Variants in PLAG1 observed in about 807,000 individuals in gnomAD.
PLAG1 encodes PLAG1 zinc finger, also known as zinc finger protein PLAG1.
PLAG1 carries 7 observed loss-of-function variants against 35.5 expected under a neutral mutation model. The ratio of observed to expected loss-of-function variants is 0.20; its 90% CI spans 0.11 to 0.37. The LOEUF is 0.37. Among genes scored for constraint, PLAG1 ranks in the 10% least tolerant of loss-of-function variants. PLAG1 has a pLI of 1.00. For missense variants in PLAG1, 454 were observed against 602.8 expected (o/e 0.75, Z 2.58); for synonymous variants, 229 against 225.4 (o/e 1.02, Z -0.14).
At position 56,163,510 on chromosome 8, in the gene PLAG1, C is replaced by T. The variant is rs539632200; in HGVS notation, c.*2733G>A. The stretch of plus-strand genomic sequence containing the variant: ...ATTTTAAAAACAAATTAGCTGAATT[C>T]CCTCTTACTCTGAAGTGTTATTTCA... On this transcript the variant is annotated 3_prime_UTR_variant, in exon 5 of 5. Coordinates refer to ENST00000316981, the MANE Select transcript of PLAG1 (RefSeq NM_002655.3). 5.0e-6 allele frequency: 1 copy of T among 199,706 alleles called. No individual in the cohort carries two copies. Among genetic ancestry groups the T allele is most frequent in the East Asian group, 7.6e-5 (1 of 13,108 alleles). The allele number at this position is 199,706 out of a possible 1,614,324, so 12.4% of individuals were successfully genotyped here.
chr8:56,176,119 G>A (rs995999932), intron 2 of PLAG1, among the ~76,000 whole-genome samples: 1 of 146,704 alleles, frequency 6.8e-6, no homozygotes, highest in African/African-American at 2.6e-5. Context: ...GTGCAATCTC[G>A]GCTCACTGAA....
intron 1 of PLAG1, among the ~76,000 whole-genome samples, chr8:56,194,563 G>A (rs1021739589): frequency 6.6e-6 from 1 of 151,950 alleles, no homozygotes; most frequent in African/African-American, 2.4e-5. Flanking sequence ...AGCATCTGCT[G>A]GACTCAGCAC....
chr8:56,196,168 G>A (rs961710232), intron 1 of PLAG1, among the ~76,000 whole-genome samples: 3 of 152,114 alleles, frequency 2.0e-5, no homozygotes, highest in African/African-American at 4.8e-5. Flanking sequence ...ATATATAAAT[G>A]GCATGAAATA....
chr8:56,204,889 GC>G lies in PLAG1; in HGVS notation c.-322+6231del, dbSNP rs1410023177. Among the ~76,000 whole-genome samples, 9 of 151,898 alleles carry G rather than the reference GC, an allele frequency of 5.9e-5. No homozygotes were observed. In the South Asian group the frequency reaches 1.0e-3, roughly 18 times the overall value. On this transcript the variant is annotated intron_variant, in intron 1 of 4. Transcript: ENST00000316981. ...ATTCTGTTGCCTTTTAAGAAAAGATGCCCCCTCCTCTCTCAAAATATTTTCT... is the reference window on the plus strand; with the variant it reads ...ATTCTGTTGCCTTTTAAGAAAAGATGCCCCTCCTCTCTCAAAATATTTTCT...
chr8:56,170,603 T>A (rs1240519153), intron 3 of PLAG1, among the ~76,000 whole-genome samples: 1 of 152,244 alleles, frequency 6.6e-6, no homozygotes, highest in Non-Finnish European at 1.5e-5. Context: ...TCTAAATCCC[T>A]GTATATAACT....
Position 56,166,341 on chromosome 8 carries a change from T to G in PLAG1, c.1405A>C (p.Thr469Pro). The G allele has an allele frequency of 6.2e-7, 1 of 1,613,564 alleles. No individual in the cohort carries two copies. The highest frequency in any genetic ancestry group is 8.5e-7 in the Non-Finnish European group (1 of 1,179,654). Residue 469 changes from threonine (T) to proline (P), a missense_variant, in exon 5 of 5, where the codon ACT becomes CCT. Around this residue, in one of 4 missense-constraint regions of PLAG1, gnomAD observed 271 missense variants for 315.6 expected, o/e 0.86. Transcript: ENST00000316981. ...QTQDLQDPAN[T>P]IGLGSLHSLS... ...GAGTGCAGAGACCCAAGCCCTATAG[T>G]GTTTGCAGGATCCTGAAGATCCTGT...
At chr8:56,202,740 T>C (rs1429231016) in intron 1 of PLAG1, among the ~76,000 whole-genome samples, 5 of 152,172 alleles carry the variant, frequency 3.3e-5, no homozygotes. Flanking sequence ...GCTGAAAAGA[T>C]AACCCAGGCT....
intron 1 of PLAG1, among the ~76,000 whole-genome samples, chr8:56,199,893 AG>A (rs1366270746): frequency 1.3e-5 from 2 of 152,202 alleles, no homozygotes; most frequent in Non-Finnish European, 2.9e-5. Flanking sequence ...GAGAGGAATG[AG>A]CAAAAGGAGA....
At chr8:56,180,617 T>G (rs935958659) in intron 1 of PLAG1, among the ~76,000 whole-genome samples, 23 of 152,234 alleles carry the variant, frequency 1.5e-4, no homozygotes, top group Admixed American at 1.5e-3. Context: ...GTTTAAGTCT[T>G]AAATCCATCT....
At chr8:56,208,654 AT>A (rs1279260010) in intron 1 of PLAG1, among the ~76,000 whole-genome samples, 1 of 152,214 alleles carries the variant, frequency 6.6e-6, no homozygotes, top group Non-Finnish European at 1.5e-5. Flanking sequence ...ATAAGGATTT[AT>A]TTCAGAAACT....
rs1470768532 is a variant in PLAG1 at position 56,163,038 on chromosome 8, G to A, written c.*3205C>T. On this transcript the variant is annotated 3_prime_UTR_variant, in exon 5 of 5. Coordinates refer to ENST00000316981, the MANE Select transcript of PLAG1 (RefSeq NM_002655.3). ...TTTAACAGTGATCGATAACTATAAA[G>A]GTACTTGTATACATCAATGGATAGC... The A allele has an allele frequency of 9.6e-6, 2 of 208,388 alleles. No homozygotes were observed. The highest frequency in any genetic ancestry group is 2.3e-5 in the African/African-American group (1 of 43,946). The allele number at this position is 208,388 out of a possible 1,614,324, so 12.9% of individuals were successfully genotyped here.
At position 56,162,003 on chromosome 8, in the gene PLAG1, A is replaced by AC. The variant is rs1811215192; in HGVS notation, c.*4239_*4240insG. On this transcript the variant is annotated 3_prime_UTR_variant, in exon 5 of 5. Transcript: ENST00000316981. ...AACATCATAGAAAGGCCCTAAGTGC[A>AC]ATCTGAGTGTGCCTTCACCAATGCT... is the stretch of plus-strand genomic sequence containing the variant. 1 of 226,938 alleles carries AC rather than the reference A, an allele frequency of 4.4e-6. No homozygotes were observed. 14.1% of individuals were successfully genotyped at this position (226,938 alleles called of 1,614,324 possible).
At position 56,163,210 on chromosome 8, in the gene PLAG1, CTTTTTTTTTT is replaced by C. The variant is rs34779318; in HGVS notation, c.*3023_*3032del. On this transcript the variant is annotated 3_prime_UTR_variant, in exon 5 of 5. Coordinates refer to ENST00000316981, the MANE Select transcript of PLAG1 (RefSeq NM_002655.3). ...AACTACTTTTATTTAATGTTAATCC[CTTTTTTTTTT>C]TTTTTTTTTTTTTTTTAACCAAGCT... The C allele has an allele frequency of 1.3e-4, 13 of 97,198 alleles. No individual in the cohort carries two copies. The highest frequency in any genetic ancestry group is 2.5e-4 in the Admixed American group (2 of 8,004). 6.0% of individuals were successfully genotyped at this position (97,198 alleles called of 1,614,324 possible).
intron 1 of PLAG1, among the ~76,000 whole-genome samples, chr8:56,186,001 A>C (rs977078181): frequency 6.6e-6 from 1 of 151,308 alleles, no homozygotes; most frequent in African/African-American, 2.4e-5. Flanking sequence ...AGTATTAGCC[A>C]GGCATGGGCA....
intron 1 of PLAG1, among the ~76,000 whole-genome samples, chr8:56,209,973 G>A (rs1248600430): frequency 2.0e-5 from 3 of 152,052 alleles, no homozygotes; most frequent in South Asian, 2.1e-4. Context: ...TTAAAAGAGA[G>A]TTATAAAATA....
At chr8:56,189,315 C>T (rs1444996848) in intron 1 of PLAG1, among the ~76,000 whole-genome samples, 5 of 152,206 alleles carry the variant, frequency 3.3e-5, no homozygotes, top group African/African-American at 1.2e-4. Context: ...AGACATTGTT[C>T]TCTTTCTTGA....
chr8:56,184,522 T>C (rs1811963336), intron 1 of PLAG1, among the ~76,000 whole-genome samples: 1 of 152,254 alleles, frequency 6.6e-6, no homozygotes, highest in Non-Finnish European at 1.5e-5. Context: ...TCACAAAGAC[T>C]TGTTCATGAC....
intron 3 of PLAG1, among the ~76,000 whole-genome samples, chr8:56,169,237 T>G (rs1474495080): frequency 6.6e-6 from 1 of 152,152 alleles, no homozygotes; most frequent in Non-Finnish European, 1.5e-5. Flanking sequence ...ACCTGCAACC[T>G]GTGTGCAGCA....
intron 1 of PLAG1, among the ~76,000 whole-genome samples, chr8:56,187,921 A>C (rs886441029): frequency 1.3e-5 from 2 of 152,240 alleles, no homozygotes; most frequent in South Asian, 4.1e-4. Flanking sequence ...GCCAGCAGTC[A>C]GTTTGCATGT....
Sources: allele counts gnomAD v4.1 joint callset (sites outside exome capture counted in the v4.1 genomes callset), GRCh38; gene constraint gnomAD v4.1.1; regional missense constraint gnomAD v4.1.1; transcripts MANE v1.5; gene names NCBI Gene and HGNC (gene_info 2026-07-23, HGNC 2026-07-21).